TMEM254: variants seen among roughly 807,000 people sequenced by gnomAD.
TMEM254 encodes the protein transmembrane protein 254.
A neutral mutation model predicts 13.9 loss-of-function variants in TMEM254; 16 were observed. That is an observed-to-expected ratio of 1.15 (90% CI 0.78 to 1.75). TMEM254 has a LOEUF of 1.75. TMEM254 is among the 40% of genes most tolerant of loss of function. TMEM254 has a pLI of 0.00. For missense variants in TMEM254, 155 were observed against 149.0 expected (o/e 1.04, Z -0.21); for synonymous variants, 61 against 56.4 (o/e 1.08, Z -0.36).
rs1409558664 is a variant in TMEM254, at chr10:80,082,172, G to T, written c.219G>T (p.Val73=). 3 of 1,614,034 alleles carry T rather than the reference G, an allele frequency of 1.9e-6. No individual in the cohort carries two copies. The highest frequency in any genetic ancestry group is 3.3e-5 in the Admixed American group (2 of 60,004). ...NGYWLAWLIH[V]GESLYAIVLC... ...ATTGGCTTGCCTGGCTGATTCATGT[G>T]GGAGAGTCCTTGTATGCCATAGTAT... Residue 73 remains valine (V), a synonymous_variant, in exon 3 of 4, where the codon GTG becomes GTT. Transcript: ENST00000372281.
At chr10:80,079,289 G>T (rs1314535531) in intron 1 of TMEM254, 3 of 1,208,720 alleles carry the variant, frequency 2.5e-6, no homozygotes, top group Non-Finnish European at 3.2e-6. Context: ...CGCATCTGAC[G>T]GTTGTCTCGG....
In TMEM254 at chr10:80,090,981, G is replaced by C. The variant is rs1452450083; in HGVS notation, c.*64G>C. On this transcript the variant is annotated 3_prime_UTR_variant, in exon 4 of 4. Coordinates refer to ENST00000372281, the MANE Select transcript of TMEM254 (RefSeq NM_025125.4). ...CTCACCCTTTTTTTTGTGGGGTAGA[G>C]GAGGTGCAGTAATTTACTCAGTGAT... 1 of 1,579,344 alleles carries C rather than the reference G, an allele frequency of 6.3e-7. No homozygotes were observed. Among genetic ancestry groups the C allele is most frequent in the Non-Finnish European group, 8.6e-7 (1 of 1,164,362 alleles).
chr10:80,083,668 G>T (rs1464886358), intron 3 of TMEM254, among the ~76,000 whole-genome samples: 1 of 152,152 alleles, frequency 6.6e-6, no homozygotes, highest in African/African-American at 2.4e-5. Flanking sequence ...GTGGGGAGAA[G>T]GGTGCAGTTG....
Position 80,078,736 on chromosome 10 carries a change from G to A in TMEM254, c.37G>A (p.Gly13Ser). 1 of 1,608,700 alleles carries A rather than the reference G, an allele frequency of 6.2e-7. No individual in the cohort carries two copies. The highest frequency in any genetic ancestry group is 8.5e-7 in the Non-Finnish European group (1 of 1,178,150). ...AGCCGGCGCGACCTACTTTCAGCGA[G>A]GCAGTCTGTTCTGGTTCACAGTCAT... Reference protein sequence around the residue: ...TAAGATYFQRGSLFWFTVITL... With the variant: ...TAAGATYFQRSSLFWFTVITL... Residue 13 changes from glycine (G) to serine (S), a missense_variant, in exon 1 of 4, where the codon GGC becomes AGC. Transcript: ENST00000372281.
intron 3 of TMEM254, among the ~76,000 whole-genome samples, chr10:80,082,770 G>A (rs1844108117): frequency 1.3e-5 from 2 of 152,140 alleles, no homozygotes; most frequent in African/African-American, 4.8e-5. Flanking sequence ...TTAATGCTAT[G>A]TGAGAATACA....
rs112287062 is a variant in TMEM254 at position 80,090,962 on chromosome 10, C to CT, written c.*53dup. The CT allele has an allele frequency of 1.0e-4, 160 of 1,598,114 alleles. No individual in the cohort carries two copies. The highest frequency in any genetic ancestry group is 1.2e-4 in the South Asian group (11 of 88,474). On this transcript the variant is annotated 3_prime_UTR_variant, in exon 4 of 4. Transcript: ENST00000372281. ...CTACACTTTTACATTCATCCTCACC[C>CT]TTTTTTTTGTGGGGTAGAGGAGGTG...
At chr10:80,088,838 T>G (rs1408400292) in intron 3 of TMEM254, among the ~76,000 whole-genome samples, 1 of 151,398 alleles carries the variant, frequency 6.6e-6, no homozygotes, top group Non-Finnish European at 1.5e-5. Flanking sequence ...GCTCAAGCGA[T>G]CCACCTGCGT....
chr10:80,079,158 A>C, intron 1 of TMEM254: 12 of 1,308,882 alleles, frequency 9.2e-6, no homozygotes, highest in Non-Finnish European at 1.1e-5. Flanking sequence ...CTCTCTGGTC[A>C]CAGTCCTGGG....
chr10:80,081,708 C>A (rs776972005), intron 1 of TMEM254, 133 bp from the exon 2 acceptor site: 1 of 1,606,676 alleles, frequency 6.2e-7, no homozygotes, highest in Non-Finnish European at 8.5e-7. Flanking sequence ...AGAATGGAGA[C>A]CCAAATGACT....
rs577625340 is a variant in TMEM254, at chr10:80,079,909, G to A, written c.87+1123G>A. 1.2e-4 allele frequency among the ~76,000 whole-genome samples: 18 copies of A among 152,292 alleles called. 1 individual carries two copies. In the South Asian group the frequency reaches 3.7e-3, roughly 32 times the overall value. On this transcript the variant is annotated intron_variant, in intron 1 of 3. Coordinates refer to ENST00000372281, the MANE Select transcript of TMEM254 (RefSeq NM_025125.4). ...CATGGGTATTGGTGAGGCTGGCCTC[G>A]AACTCCTAACGTCAAGTGATAAGGT...
At position 80,078,777 on chromosome 10, in the gene TMEM254, C is replaced by T; in HGVS notation, c.78C>T (p.Gly26=). Residue 26 remains glycine (G), a synonymous_variant, in exon 1 of 4, where the codon GGC becomes GGT. Transcript: ENST00000372281. ...TCACAGTCATCACCCTCAGCTTTGG[C>T]TACTACACAGTAAGGACAGCCGCTG... is the stretch of plus-strand genomic sequence containing the variant. ...FWFTVITLSF[G]YYTWVVFWPQ... is the part of the protein sequence containing the mutation. 1.2e-6 allele frequency: 2 copies of T among 1,605,054 alleles called. No homozygotes were observed. Among genetic ancestry groups the T allele is most frequent in the Non-Finnish European group, 1.7e-6 (2 of 1,175,948 alleles).
intron 3 of TMEM254, among the ~76,000 whole-genome samples, chr10:80,083,999 C>A (rs548773261): frequency 6.6e-5 from 10 of 152,108 alleles, no homozygotes; most frequent in Non-Finnish European, 1.5e-4. Context: ...GCACGAGAAT[C>A]GCTTGAATCC....
intron 3 of TMEM254, 79 bp from the exon 4 acceptor site, chr10:80,090,716 AAT>A: frequency 1.9e-5 from 25 of 1,339,302 alleles, no homozygotes; most frequent in South Asian, 3.1e-5. Context: ...TAATTTAAAA[AAT>A]ATATATATAG....
At chr10:80,090,563 C>A (rs991593285) in intron 3 of TMEM254, 4 of 641,246 alleles carry the variant, frequency 6.2e-6, no homozygotes, top group East Asian at 2.7e-5. Context: ...GTGCCCTAGA[C>A]AGTAGCCAGA....
chr10:80,082,812 A>T (rs1192430135), intron 3 of TMEM254, among the ~76,000 whole-genome samples: 1 of 152,226 alleles, frequency 6.6e-6, no homozygotes, highest in Non-Finnish European at 1.5e-5. Context: ...TTATATAAGC[A>T]TATACAGAAA....
intron 1 of TMEM254, chr10:80,079,573 G>A (rs1042214642): frequency 2.8e-5 from 28 of 998,162 alleles, no homozygotes; most frequent in African/African-American, 1.0e-4. Context: ...GGATAAAGAG[G>A]CTATAACTGT....
intron 3 of TMEM254, among the ~76,000 whole-genome samples, 196 bp downstream of exon 3, chr10:80,082,400 T>A (rs1844085356): frequency 6.6e-6 from 1 of 152,240 alleles, no homozygotes; most frequent in African/African-American, 2.4e-5. Flanking sequence ...ATTTTGTTTA[T>A]GTTGGTTAAC....
chr10:80,081,538 C>T lies in TMEM254; in HGVS notation c.88-303C>T, dbSNP rs1844022603. On this transcript the variant is annotated intron_variant, in intron 1 of 3. Transcript: ENST00000372281. ...TTAAAAGTAGCTGGGCATGGTGGCA[C>T]ACACGTGTAGTCCCATCTACTTGGG... 5.8e-6 allele frequency: 4 copies of T among 687,916 alleles called. No homozygotes were observed. In the East Asian group the frequency reaches 1.1e-4, roughly 19 times the overall value. 42.6% of individuals were successfully genotyped at this position (687,916 alleles called of 1,614,324 possible).
chr10:80,089,866 G>T (rs1402800604), intron 3 of TMEM254, among the ~76,000 whole-genome samples: 2 of 151,850 alleles, frequency 1.3e-5, no homozygotes, highest in African/African-American at 4.8e-5. Context: ...TTAGCCAGGC[G>T]TGGTGGCGGG....
Sources: allele counts gnomAD v4.1 joint callset (sites outside exome capture counted in the v4.1 genomes callset), GRCh38; gene constraint gnomAD v4.1.1; transcripts MANE v1.5; gene names NCBI Gene and HGNC (gene_info 2026-07-23, HGNC 2026-07-21).